Variants in MACIR observed in about 807,000 individuals in gnomAD.
The protein encoded by MACIR is UNC119-binding protein C5orf30.
A neutral mutation model predicts 14.3 loss-of-function variants in MACIR; 4 were observed. The observed-to-expected ratio is 0.28, with a 90% CI of 0.14 to 0.64. The LOEUF (loss-of-function observed/expected upper bound fraction) is 0.64. Ranked by LOEUF, MACIR falls within the 30% of genes least tolerant of loss-of-function variation. MACIR has a pLI of 0.83. For missense variants in MACIR, 228 were observed against 257.6 expected, an observed-to-expected ratio of 0.89 and a Z score of 0.79; for synonymous variants, 101 against 102.4, an observed-to-expected ratio of 0.99 and a Z score of 0.08.
chr5:103,268,816 T>C (rs932883957), intron 2 of MACIR, among the ~76,000 whole-genome samples: 4 of 152,010 alleles, frequency 2.6e-5, no homozygotes, highest in Non-Finnish European at 4.4e-5. Context: ...GGGCATTAAC[T>C]ATCTATGTGG....
upstream of MACIR, chr5:103,258,666 G>A (rs1299801231): frequency 6.5e-6 from 1 of 153,416 alleles, no homozygotes; most frequent in African/African-American, 2.4e-5. Context: ...GCCAGAGGGA[G>A]GAGGCGGGAA....
intron 1 of MACIR, among the ~76,000 whole-genome samples, chr5:103,261,760 G>C (rs1267478647): frequency 2.8e-5 from 4 of 142,946 alleles, no homozygotes; most frequent in African/African-American, 1.0e-4. Context: ...GTGGGCTTCA[G>C]GTTAGGGCCA....
intron 2 of MACIR, among the ~76,000 whole-genome samples, chr5:103,275,425 G>A (rs1422355864): frequency 2.0e-5 from 3 of 152,172 alleles, no homozygotes; most frequent in African/African-American, 4.8e-5. Flanking sequence ...AATTGCAGGT[G>A]TCAAGAGCTA....
intron 2 of MACIR, among the ~76,000 whole-genome samples, chr5:103,274,583 C>T (rs1298381133): frequency 6.6e-6 from 1 of 150,904 alleles, no homozygotes; most frequent in Non-Finnish European, 1.5e-5. Flanking sequence ...GGAAGGACAG[C>T]GTGGTATCTG....
At chr5:103,275,753 A>G in intron 2 of MACIR, 144 bp from the exon 3 acceptor site, 1 of 655,694 alleles carries the variant, frequency 1.5e-6, no homozygotes, top group Non-Finnish European at 2.6e-6. Context: ...TGAAACGTTT[A>G]GTAGACATAG....
chr5:103,273,146 A>G (rs2569015), intron 2 of MACIR, among the ~76,000 whole-genome samples: 44,757 of 151,890 alleles, frequency 0.29, 6,578 homozygotes, highest in Non-Finnish European at 0.32. Flanking sequence ...CAACTTTCTG[A>G]TTAGATTCTG....
At chr5:103,273,916 G>C (rs1554237380) in intron 2 of MACIR, among the ~76,000 whole-genome samples, 1 of 152,200 alleles carries the variant, frequency 6.6e-6, no homozygotes, top group South Asian at 2.1e-4. Context: ...CAGAGTCTCA[G>C]AGTAGACAGA....
chr5:103,260,123 A>G (rs1562544903), intron 1 of MACIR, among the ~76,000 whole-genome samples: 1 of 150,812 alleles, frequency 6.6e-6, no homozygotes, highest in East Asian at 1.9e-4. Flanking sequence ...GGAACTTTTT[A>G]TTTGAGCAGG....
chr5:103,259,443 C>T (rs1341655959), intron 1 of MACIR: 8 of 152,156 alleles, frequency 5.3e-5, no homozygotes, highest in African/African-American at 1.7e-4. Flanking sequence ...GCTGTTCCCG[C>T]ACCGCGGGGC....
At chr5:103,260,376 A>G (rs564954970) in intron 1 of MACIR, among the ~76,000 whole-genome samples, 10 of 152,300 alleles carry the variant, frequency 6.6e-5, no homozygotes, top group African/African-American at 2.2e-4. Flanking sequence ...AGTATTGGTT[A>G]TTACGGCAGA....
At chr5:103,260,012 A>G (rs1293662157) in intron 1 of MACIR, among the ~76,000 whole-genome samples, 1 of 148,922 alleles carries the variant, frequency 6.7e-6, no homozygotes, top group African/African-American at 2.5e-5. Flanking sequence ...TCAGTTTTCA[A>G]CCCAGTGGGT....
intron 1 of MACIR, among the ~76,000 whole-genome samples, chr5:103,261,658 C>CTTTCTTTCTTTCTTTCTTTCTTTCTTTCT (rs1804705076): frequency 4.8e-5 from 5 of 104,008 alleles, no homozygotes; most frequent in African/African-American, 8.5e-5. Flanking sequence ...TTCTTTCTTT[C>CTTTCTTTCTTTCTTTCTTTCTTTCTTTCT]TTTCTTTCTT....
intron 1 of MACIR, among the ~76,000 whole-genome samples, chr5:103,263,672 G>A (rs904292741): frequency 7.9e-5 from 12 of 152,132 alleles, no homozygotes; most frequent in African/African-American, 2.9e-4. Context: ...ATTTAAGACT[G>A]TCAAAACTAT....
At chr5:103,264,408 A>G (rs192198658) in intron 1 of MACIR, among the ~76,000 whole-genome samples, 2 of 152,284 alleles carry the variant, frequency 1.3e-5, no homozygotes, top group East Asian at 3.9e-4. Flanking sequence ...GTTCGTTTTT[A>G]GAACTCCTCT....
intron 2 of MACIR, among the ~76,000 whole-genome samples, chr5:103,273,469 A>G (rs978649372): frequency 2.6e-5 from 4 of 152,072 alleles, no homozygotes; most frequent in Non-Finnish European, 5.9e-5. Context: ...TCACATTTCT[A>G]ATTTTGCAGG....
At chr5:103,264,057 A>G (rs1424513803) in intron 1 of MACIR, among the ~76,000 whole-genome samples, 2 of 152,202 alleles carry the variant, frequency 1.3e-5, no homozygotes, top group Admixed American at 1.3e-4. Flanking sequence ...AAGCTTTTAG[A>G]TAAAGTGCCT....
chr5:103,259,696 G>T (rs1322610141), intron 1 of MACIR: 2 of 152,412 alleles, frequency 1.3e-5, no homozygotes, highest in Non-Finnish European at 2.9e-5. Flanking sequence ...GTGTGTGCGC[G>T]TGTGGATTGG....
intron 1 of MACIR, among the ~76,000 whole-genome samples, chr5:103,265,105 C>G (rs1021023057): frequency 1.3e-5 from 2 of 152,064 alleles, no homozygotes; most frequent in Admixed American, 6.5e-5. Flanking sequence ...AAGATAGATT[C>G]TCTTACACAT....
intron 1 of MACIR, chr5:103,259,424 C>T (rs1554235983): frequency 6.6e-6 from 1 of 152,186 alleles, no homozygotes; most frequent in Non-Finnish European, 1.5e-5. Flanking sequence ...CTCGCTCCCT[C>T]CCTTGGCCGC....
Sources: allele counts gnomAD v4.1 joint callset (sites outside exome capture counted in the v4.1 genomes callset), GRCh38; gene constraint gnomAD v4.1.1; transcripts MANE v1.5; gene names NCBI Gene and HGNC (gene_info 2026-07-23, HGNC 2026-07-21).